The following BRAF variants were observed in gnomAD, a reference collection of about 807,000 sequenced individuals.
BRAF encodes the protein serine/threonine-protein kinase B-raf.
Under a neutral mutation model 104.6 loss-of-function variants are expected in BRAF, and 16 were observed. The observed-to-expected ratio is 0.15, with a 90% CI of 0.10 to 0.23. The LOEUF (loss-of-function observed/expected upper bound fraction) is 0.23. BRAF is among the 10% of genes least tolerant of loss of function. The pLI is 1.00. For missense variants in BRAF, 541 were observed against 937.3 expected, an observed-to-expected ratio of 0.58 and a Z score of 5.52; for synonymous variants, 310 against 341.6, an observed-to-expected ratio of 0.91 and a Z score of 1.02.
intron 5 of BRAF, among the ~76,000 whole-genome samples, chr7:140,805,751 G>T (rs1482382016): frequency 1.3e-5 from 2 of 152,060 alleles, no homozygotes; most frequent in Non-Finnish European, 2.9e-5. Flanking sequence ...AGGACTCTTG[G>T]GATATAGAGA....
chr7:140,754,287 G>A lies in BRAF; in HGVS notation c.1815-54C>T, dbSNP rs189077091. ...AGTAGGGCTAAAGGACTCTGGCCTC[G>A]AAATCTACAGAACATACTTGGGGGT... On this transcript the variant is annotated intron_variant, in intron 14 of 19. Coordinates refer to ENST00000644969, the MANE Select transcript of BRAF (RefSeq NM_001374258.1). The A allele has an allele frequency of 3.0e-3, 4,386 of 1,473,978 alleles. 13 individuals are homozygous for A. The highest frequency in any genetic ancestry group is 7.2e-3 in the Middle Eastern group (42 of 5,808). The allele number at this position is 1,473,978 out of a possible 1,614,324, so 91.3% of individuals were successfully genotyped here. A position where few individuals can be genotyped will look rare whatever the true frequency, so the allele number is the denominator to read the frequency against.
chr7:140,793,459 G>C (rs1354534470), intron 8 of BRAF, among the ~76,000 whole-genome samples: 1 of 151,944 alleles, frequency 6.6e-6, no homozygotes, highest in Non-Finnish European at 1.5e-5. Context: ...TGGGAAGAAA[G>C]TCTGATTTGC....
intron 18 of BRAF, among the ~76,000 whole-genome samples, chr7:140,736,027 C>A (rs1399298899): frequency 6.6e-6 from 1 of 151,136 alleles, no homozygotes; most frequent in African/African-American, 2.4e-5. Flanking sequence ...TCAAATCCTG[C>A]TCTCCAGGGA....
At chr7:140,713,659 A>G in the BRAF span, among the ~76,000 whole-genome samples, 46,677 of 152,102 alleles carry the variant, frequency 0.31, 11,070 homozygotes, top group African/African-American at 0.67. Context: ...GAGGAACTGC[A>G]TTCCTTTGGA....
At chr7:140,810,406 T>C (rs1190726200) in intron 3 of BRAF, among the ~76,000 whole-genome samples, 1 of 151,886 alleles carries the variant, frequency 6.6e-6, no homozygotes, top group Non-Finnish European at 1.5e-5. Context: ...CCATCTCTAC[T>C]AAAAAACACA....
chr7:140,799,859 T>C (rs537906797), intron 7 of BRAF: 24 of 292,854 alleles, frequency 8.2e-5, no homozygotes, highest in African/African-American at 5.1e-4. Flanking sequence ...AGTCATATAC[T>C]TCTATACCTA....
chr7:140,916,425 T>C (rs1203004179), intron 1 of BRAF, among the ~76,000 whole-genome samples: 1 of 152,192 alleles, frequency 6.6e-6, no homozygotes, highest in African/African-American at 2.4e-5. Context: ...TCACAGAACA[T>C]GACATAGGTT....
At chr7:140,736,992 G>A (rs1211385316) in intron 18 of BRAF, among the ~76,000 whole-genome samples, 1 of 151,916 alleles carries the variant, frequency 6.6e-6, no homozygotes, top group Non-Finnish European at 1.5e-5. Flanking sequence ...TGAGGCTGCA[G>A]TGGGCTATGA....
intron 1 of BRAF, among the ~76,000 whole-genome samples, chr7:140,870,091 T>C (rs541267474): frequency 9.2e-5 from 14 of 152,156 alleles, no homozygotes; most frequent in African/African-American, 2.4e-4. Context: ...AACATGTAAA[T>C]AGAGAGAAAA....
At chr7:140,813,947 G>C (rs2109744) in intron 3 of BRAF, among the ~76,000 whole-genome samples, 2 of 152,058 alleles carry the variant, frequency 1.3e-5, no homozygotes, top group Admixed American at 6.6e-5. Context: ...AAAAGGTGCA[G>C]AGAAAATTGG....
chr7:140,837,985 A>G (rs1807525472), intron 2 of BRAF, among the ~76,000 whole-genome samples: 1 of 152,010 alleles, frequency 6.6e-6, no homozygotes, highest in African/African-American at 2.4e-5. Context: ...CATATCATCT[A>G]CTTTTCCCTT....
intron 14 of BRAF, among the ~76,000 whole-genome samples, chr7:140,759,544 G>A (rs144449785): frequency 0.057 from 8,647 of 152,242 alleles, 293 homozygotes; most frequent in South Asian, 0.11. Flanking sequence ...GTACCACCAC[G>A]TCCAGCTAAT....
intron 1 of BRAF, among the ~76,000 whole-genome samples, chr7:140,852,837 C>T (rs190875577): frequency 1.0e-3 from 158 of 152,290 alleles, no homozygotes; most frequent in African/African-American, 3.1e-3. Flanking sequence ...CCATCACCCC[C>T]ACAAAACTTG....
chr7:140,910,804 C>G (rs1050371425), intron 1 of BRAF, among the ~76,000 whole-genome samples: 2 of 152,202 alleles, frequency 1.3e-5, no homozygotes, highest in Admixed American at 6.5e-5. Flanking sequence ...TCCCAAGTAG[C>G]TGGGACTACA....
chr7:140,764,206 A>T (rs1313314433), intron 14 of BRAF, among the ~76,000 whole-genome samples: 3 of 151,688 alleles, frequency 2.0e-5, no homozygotes, highest in Admixed American at 6.6e-5. Flanking sequence ...CCACATGATT[A>T]TCTCAATAGA....
chr7:140,844,830 G>C (rs1022060977), intron 2 of BRAF, among the ~76,000 whole-genome samples: 1 of 151,900 alleles, frequency 6.6e-6, no homozygotes, highest in Non-Finnish European at 1.5e-5. Flanking sequence ...GCTGAGGCAC[G>C]AGAATCACTT....
intron 1 of BRAF, among the ~76,000 whole-genome samples, chr7:140,854,461 A>G (rs989735374): frequency 6.6e-6 from 1 of 152,160 alleles, no homozygotes; most frequent in Non-Finnish European, 1.5e-5. Flanking sequence ...TCTTAGGTCC[A>G]GTAAATTCAG....
chr7:140,821,429 C>T (rs1805474574), intron 3 of BRAF, among the ~76,000 whole-genome samples: 2 of 150,234 alleles, frequency 1.3e-5, no homozygotes, highest in Non-Finnish European at 2.9e-5. Flanking sequence ...CTCCAAGTAA[C>T]TGGGATTACA....
At chr7:140,839,325 C>T (rs1422131243) in intron 2 of BRAF, among the ~76,000 whole-genome samples, 1 of 152,090 alleles carries the variant, frequency 6.6e-6, no homozygotes, top group East Asian at 1.9e-4. Context: ...AAAAACAAAA[C>T]AAAATGGGTC....
Sources: gnomAD v4.1 joint callset for allele counts (sites outside exome capture counted in the v4.1 genomes callset) on GRCh38, gnomAD v4.1.1 for gene constraint, MANE v1.5 for transcripts, NCBI Gene and HGNC (gene_info 2026-07-23, HGNC 2026-07-21) for gene names.